The following RANBP2 variants were observed in gnomAD, a reference collection of about 807,000 sequenced individuals.
RANBP2 encodes E3 SUMO-protein ligase RanBP2.
Under a neutral mutation model 303.6 loss-of-function variants are expected in RANBP2, and 57 were observed. That is an observed-to-expected ratio of 0.19 (90% CI 0.15 to 0.23). RANBP2 has a LOEUF of 0.23. Ranked by LOEUF, RANBP2 falls within the 10% of genes least tolerant of loss-of-function variation. The pLI, the probability that RANBP2 is intolerant of heterozygous loss-of-function variation, is 1.00. For missense variants in RANBP2, 3,138 were observed against 3,780.8 expected, an observed-to-expected ratio of 0.83 and a Z score of 4.46; for synonymous variants, 1,167 against 1,301.5, an observed-to-expected ratio of 0.90 and a Z score of 2.23.
At chr2:109,364,951 T>C in the RANBP2 span, among the ~76,000 whole-genome samples, 1 of 152,066 alleles carries the variant, frequency 6.6e-6, no homozygotes, top group African/African-American at 2.4e-5. Context: ...ATTAACTGGG[T>C]GTAGTGGCAC....
At chr2:109,034,298 G>GAAA in the RANBP2 span, among the ~76,000 whole-genome samples, 56 of 125,302 alleles carry the variant, frequency 4.5e-4, no homozygotes, top group African/African-American at 7.4e-4. Context: ...AAAAAAAAAG[G>GAAA]AAGGTTCAAA....
chr2:109,230,690 C>T, the RANBP2 span, among the ~76,000 whole-genome samples: 7 of 152,250 alleles, frequency 4.6e-5, no homozygotes, highest in Admixed American at 2.6e-4. Context: ...AATCGTAAGT[C>T]GGGGATCATC....
the RANBP2 span, among the ~76,000 whole-genome samples, chr2:109,352,369 C>G: frequency 6.6e-6 from 1 of 152,198 alleles, no homozygotes; most frequent in African/African-American, 2.4e-5. Context: ...CTTTTACTTT[C>G]CTGGTGGCTA....
the RANBP2 span, among the ~76,000 whole-genome samples, chr2:109,163,015 A>G: frequency 1.3e-5 from 2 of 152,198 alleles, no homozygotes; most frequent in Non-Finnish European, 2.9e-5. Context: ...TTGGAGGGAA[A>G]AGTCCCCCAA....
the RANBP2 span, among the ~76,000 whole-genome samples, chr2:109,078,137 C>CCTTAAAAAAGAAGGAA: frequency 8.5e-5 from 3 of 35,202 alleles, no homozygotes; most frequent in Non-Finnish European, 1.4e-4. Flanking sequence ...ATATATATAG[C>CCTTAAAAAAGAAGGAA]GTGTATATAT....
the RANBP2 span, among the ~76,000 whole-genome samples, chr2:109,115,728 A>C: frequency 6.6e-6 from 1 of 152,160 alleles, no homozygotes; most frequent in South Asian, 2.1e-4. Context: ...CCTAGCCTTG[A>C]TGGTCTTTAC....
In RANBP2 at chr2:108,784,653, G is replaced by A. The variant is rs1678479685; in HGVS notation, c.*752G>A. The A allele has an allele frequency of 6.6e-6, 1 of 152,548 alleles. No individual in the cohort carries two copies. Among genetic ancestry groups the A allele is most frequent in the African/African-American group, 2.4e-5 (1 of 41,416 alleles). 9.4% of individuals were successfully genotyped at this position (152,548 alleles called of 1,614,324 possible). A position where few individuals can be genotyped will look rare whatever the true frequency, so the allele number is the denominator to read the frequency against. On this transcript the variant is annotated 3_prime_UTR_variant, in exon 29 of 29. Coordinates refer to ENST00000283195, the MANE Select transcript of RANBP2 (RefSeq NM_006267.5). ...GATGATAGAAATTGAATTTTTCCTT[G>A]TAGTTATTGTGATAAAGTATGAATA...
chr2:108,823,660 A>G, the RANBP2 span, among the ~76,000 whole-genome samples: 1 of 152,240 alleles, frequency 6.6e-6, no homozygotes, highest in Non-Finnish European at 1.5e-5. Context: ...AAAATGTTCA[A>G]TAAAGATACA....
the RANBP2 span, among the ~76,000 whole-genome samples, chr2:109,726,463 T>G: frequency 6.6e-6 from 1 of 151,864 alleles, no homozygotes; most frequent in Admixed American, 6.6e-5. Flanking sequence ...AAAACAAAAC[T>G]GGAGGTGATG....
chr2:109,153,451 C>T, the RANBP2 span, among the ~76,000 whole-genome samples: 24,417 of 152,004 alleles, frequency 0.16, 2,021 homozygotes, highest in Middle Eastern at 0.2. Context: ...AAAGAAGTAA[C>T]GAAGGTATGA....
At chr2:109,628,148 T>C in the RANBP2 span, among the ~76,000 whole-genome samples, 1 of 152,126 alleles carries the variant, frequency 6.6e-6, no homozygotes, top group East Asian at 1.9e-4. Flanking sequence ...CCACCCTCCA[T>C]CATGCAGAGA....
chr2:108,931,063 G>C, the RANBP2 span: 1 of 1,595,014 alleles, frequency 6.3e-7, no homozygotes, highest in Non-Finnish European at 8.6e-7. Context: ...GCTGGGCACT[G>C]GCGGTAGCAC....
At chr2:109,641,888 C>T in the RANBP2 span, among the ~76,000 whole-genome samples, 1 of 152,170 alleles carries the variant, frequency 6.6e-6, no homozygotes, top group African/African-American at 2.4e-5. Context: ...TCACTGCAAC[C>T]TATGCCTGCT....
At chr2:109,353,079 T>C in the RANBP2 span, among the ~76,000 whole-genome samples, 1 of 152,210 alleles carries the variant, frequency 6.6e-6, no homozygotes, top group African/African-American at 2.4e-5. Context: ...CTGTGCCACA[T>C]GGAGCCTCTG....
chr2:109,000,386 G>C, the RANBP2 span, among the ~76,000 whole-genome samples: 4 of 151,928 alleles, frequency 2.6e-5, no homozygotes, highest in African/African-American at 7.3e-5. Flanking sequence ...AATTAGCCAG[G>C]CATAATGGTG....
At chr2:109,473,485 T>C in the RANBP2 span, among the ~76,000 whole-genome samples, 1 of 152,028 alleles carries the variant, frequency 6.6e-6, no homozygotes, top group African/African-American at 2.4e-5. Context: ...ATAGCAGATA[T>C]AGGTGATAAA....
the RANBP2 span, among the ~76,000 whole-genome samples, chr2:109,236,741 C>G: frequency 6.6e-6 from 1 of 152,176 alleles, no homozygotes; most frequent in Non-Finnish European, 1.5e-5. Flanking sequence ...TGGACTGTTT[C>G]CTGTTTGCAA....
the RANBP2 span, among the ~76,000 whole-genome samples, chr2:108,982,499 C>T: frequency 6.6e-6 from 1 of 152,234 alleles, no homozygotes; most frequent in African/African-American, 2.4e-5. Context: ...AGGAGCTCAA[C>T]ATTCTGTTGT....
the RANBP2 span, among the ~76,000 whole-genome samples, chr2:109,508,569 T>G: frequency 1.3e-5 from 2 of 151,874 alleles, no homozygotes; most frequent in Non-Finnish European, 2.9e-5. Context: ...GACGTGGACA[T>G]CATTACAAAT....
Sources: allele counts gnomAD v4.1 joint callset (sites outside exome capture counted in the v4.1 genomes callset), GRCh38; gene constraint gnomAD v4.1.1; transcripts MANE v1.5; gene names NCBI Gene and HGNC (gene_info 2026-07-23, HGNC 2026-07-21).